Variants in AKAP6 observed in about 807,000 individuals in gnomAD.
AKAP6 encodes the protein A-kinase anchor protein 6.
Under a neutral mutation model 188.5 loss-of-function variants are expected in AKAP6, and 58 were observed. The observed-to-expected ratio is 0.31, with a 90% CI of 0.25 to 0.38. The LOEUF (loss-of-function observed/expected upper bound fraction) is 0.38. Ranked by LOEUF, AKAP6 falls within the 10% of genes least tolerant of loss-of-function variation. The pLI is 1.00. For missense variants in AKAP6, 2,710 were observed against 2,740.0 expected (o/e 0.99, Z 0.24); for synonymous variants, 989 against 998.6 (o/e 0.99, Z 0.18).
chr14:32,361,317 G>A (rs1887656868), intron 1 of AKAP6, among the ~76,000 whole-genome samples: 1 of 152,042 alleles, frequency 6.6e-6, no homozygotes, highest in Non-Finnish European at 1.5e-5. Flanking sequence ...ATGTGCTTAT[G>A]CTTGTATGTA....
chr14:32,627,383 T>C (rs914158307), intron 7 of AKAP6, among the ~76,000 whole-genome samples: 2 of 152,102 alleles, frequency 1.3e-5, no homozygotes, highest in Non-Finnish European at 2.9e-5. Flanking sequence ...AATCAATATA[T>C]GGTATTATTT....
intron 1 of AKAP6, among the ~76,000 whole-genome samples, chr14:32,392,941 CATTT>C (rs1270255428): frequency 3.9e-5 from 6 of 151,900 alleles, no homozygotes; most frequent in African/African-American, 1.2e-4. Flanking sequence ...GAAAAATCAC[CATTT>C]ATTATTTTTT....
chr14:32,551,242 A>G (rs1359966051), intron 4 of AKAP6, among the ~76,000 whole-genome samples: 2 of 152,088 alleles, frequency 1.3e-5, no homozygotes, highest in African/African-American at 4.8e-5. Flanking sequence ...CTAAAATATT[A>G]TCTTCTCAGA....
chr14:32,454,426 G>A (rs1891049478), intron 2 of AKAP6, among the ~76,000 whole-genome samples: 1 of 152,126 alleles, frequency 6.6e-6, no homozygotes, highest in Admixed American at 6.5e-5. Context: ...GGCTCGCAAG[G>A]TTTCTGGGCA....
At chr14:32,775,788 T>A (rs538525403) in intron 12 of AKAP6, among the ~76,000 whole-genome samples, 1 of 152,284 alleles carries the variant, frequency 6.6e-6, no homozygotes, top group South Asian at 2.1e-4. Flanking sequence ...TGGCTGCTTC[T>A]TAAAGGTTCA....
chr14:32,409,854 A>G (rs1376629839), intron 1 of AKAP6, among the ~76,000 whole-genome samples: 1 of 152,092 alleles, frequency 6.6e-6, no homozygotes, highest in Non-Finnish European at 1.5e-5. Flanking sequence ...ACTTCTCTTG[A>G]TTATGTATGA....
chr14:32,665,913 GT>G (rs551539635), intron 7 of AKAP6, among the ~76,000 whole-genome samples: 105 of 152,254 alleles, frequency 6.9e-4, no homozygotes, highest in African/African-American at 2.4e-3. Context: ...ATGGGGATAG[GT>G]GGAGATGGAC....
At chr14:32,738,787 T>G (rs190567700) in intron 11 of AKAP6, among the ~76,000 whole-genome samples, 1 of 152,266 alleles carries the variant, frequency 6.6e-6, no homozygotes, top group East Asian at 1.9e-4. Flanking sequence ...TGACAAACAT[T>G]TTCTGTAAAA....
At chr14:32,547,618 C>T (rs923323869) in intron 4 of AKAP6, among the ~76,000 whole-genome samples, 29 of 152,068 alleles carry the variant, frequency 1.9e-4, no homozygotes, top group African/African-American at 6.8e-4. Flanking sequence ...CTAGATATGA[C>T]GTAATGTTTG....
chr14:32,722,783 A>T (rs549940958), intron 9 of AKAP6, among the ~76,000 whole-genome samples: 2 of 152,088 alleles, frequency 1.3e-5, no homozygotes, highest in Admixed American at 1.3e-4. Flanking sequence ...AATCTTCCAC[A>T]TACATCACCT....
At chr14:32,464,469 A>G (rs1878271736) in intron 2 of AKAP6, among the ~76,000 whole-genome samples, 1 of 152,234 alleles carries the variant, frequency 6.6e-6, no homozygotes, top group South Asian at 2.1e-4. Flanking sequence ...GTAATCCATC[A>G]CATAAACAGA....
At chr14:32,712,114 C>A (rs974473127) in intron 9 of AKAP6, among the ~76,000 whole-genome samples, 16 of 151,980 alleles carry the variant, frequency 1.1e-4, no homozygotes, top group African/African-American at 3.9e-4. Flanking sequence ...GTCCATACCA[C>A]CATAATAAGG....
At chr14:32,561,990 A>T (rs1298755038) in intron 4 of AKAP6, among the ~76,000 whole-genome samples, 1 of 152,154 alleles carries the variant, frequency 6.6e-6, no homozygotes, top group Non-Finnish European at 1.5e-5. Context: ...GCCCTGTCTG[A>T]GGTTATAGAA....
intron 7 of AKAP6, among the ~76,000 whole-genome samples, chr14:32,634,700 C>A (rs1887413836): frequency 6.6e-6 from 1 of 151,838 alleles, no homozygotes; most frequent in Admixed American, 6.6e-5. Context: ...CAGAAATGGC[C>A]ATAGTTTTAA....
chr14:32,409,098 G>A (rs1401896369), intron 1 of AKAP6, among the ~76,000 whole-genome samples: 1 of 152,180 alleles, frequency 6.6e-6, no homozygotes, highest in African/African-American at 2.4e-5. Flanking sequence ...CACTCAGGAG[G>A]CTGAGGCAGG....
intron 4 of AKAP6, among the ~76,000 whole-genome samples, chr14:32,564,926 C>A (rs976775011): frequency 6.6e-6 from 1 of 152,158 alleles, no homozygotes; most frequent in Non-Finnish European, 1.5e-5. Flanking sequence ...GAGGAAATCC[C>A]TTTTCTCTGA....
In AKAP6 at chr14:32,523,508, G is replaced by A. The variant is rs369971949; in HGVS notation, c.325-12046G>A. ...TTTTGAGACGGGGTCTGATTCTGTC[G>A]CCCAGGCTAGAGTGCAGTGATGTGA... is the stretch of plus-strand genomic sequence containing the variant. On this transcript the variant is annotated intron_variant, in intron 2 of 13. Coordinates refer to ENST00000280979, the MANE Select transcript of AKAP6 (RefSeq NM_004274.5). Among the ~76,000 whole-genome samples, 10 of 145,498 alleles carry A rather than the reference G, an allele frequency of 6.9e-5. No individual in the cohort carries two copies. The South Asian group carries it at 8.7e-4, about 13-fold the overall frequency.
intron 11 of AKAP6, among the ~76,000 whole-genome samples, chr14:32,763,060 C>A (rs1378734813): frequency 1.3e-5 from 2 of 151,982 alleles, no homozygotes; most frequent in Non-Finnish European, 2.9e-5. Flanking sequence ...ATATCATGTA[C>A]AATGTCGAAA....
chr14:32,433,161 G>T, intron 1 of AKAP6: 1 of 258,128 alleles, frequency 3.9e-6, no homozygotes, highest in Non-Finnish European at 7.6e-6. Flanking sequence ...TAAATTCTGT[G>T]CAGGAATATG....
Sources: allele counts gnomAD v4.1 joint callset (sites outside exome capture counted in the v4.1 genomes callset), GRCh38; gene constraint gnomAD v4.1.1; transcripts MANE v1.5; gene names NCBI Gene and HGNC (gene_info 2026-07-23, HGNC 2026-07-21).